SLC9D1: variants seen among roughly 807,000 people sequenced by gnomAD.
SLC9D1 encodes the protein solute carrier family 9 member D1.
At chr13:113,503,423 A>G in the SLC9D1 span, 7 of 1,109,242 alleles carry the variant, frequency 6.3e-6, no homozygotes, top group Admixed American at 1.8e-5. Context: ...ATACTAGGGC[A>G]TGATTGTTGA....
At chr13:113,549,300 C>T in the SLC9D1 span, 1 of 1,103,652 alleles carries the variant, frequency 9.1e-7, no homozygotes, top group South Asian at 1.5e-5. Context: ...CGTGACTGTG[C>T]TCAGCCTCAG....
chr13:113,528,932 C>G, the SLC9D1 span: 2 of 152,312 alleles, frequency 1.3e-5, no homozygotes, highest in South Asian at 2.1e-4. Flanking sequence ...GAGATGACTT[C>G]TAGTTAAGAG....
chr13:113,510,022 G>A, the SLC9D1 span, among the ~76,000 whole-genome samples: 8 of 152,170 alleles, frequency 5.3e-5, no homozygotes, highest in African/African-American at 1.7e-4. Context: ...GAGAGAGTGC[G>A]TGTGCGTGTA....
the SLC9D1 span, among the ~76,000 whole-genome samples, chr13:113,521,880 G>A: frequency 1.4e-4 from 22 of 152,244 alleles, no homozygotes; most frequent in East Asian, 4.0e-3. Context: ...TATACTTTAT[G>A]TATGTAAATA....
chr13:113,512,553 A>G, the SLC9D1 span, among the ~76,000 whole-genome samples: 591 of 151,788 alleles, frequency 3.9e-3, 4 homozygotes, highest in African/African-American at 0.014. Context: ...GTCAGTGTAC[A>G]TAGACTCGGA....
the SLC9D1 span, among the ~76,000 whole-genome samples, chr13:113,545,542 C>T: frequency 6.6e-6 from 1 of 152,226 alleles, no homozygotes; most frequent in Non-Finnish European, 1.5e-5. Flanking sequence ...GCATTAGGCT[C>T]CATAATTATT....
chr13:113,502,287 C>T, the SLC9D1 span, among the ~76,000 whole-genome samples: 1 of 152,286 alleles, frequency 6.6e-6, no homozygotes, highest in African/African-American at 2.4e-5. Context: ...AATCTTGGCT[C>T]ACTGCAACCT....
At chr13:113,515,906 A>G in the SLC9D1 span, among the ~76,000 whole-genome samples, 1 of 151,866 alleles carries the variant, frequency 6.6e-6, no homozygotes, top group African/African-American at 2.4e-5. Flanking sequence ...AAAAAAAAAA[A>G]AAAAAAAAGA....
At chr13:113,539,444 G>C in the SLC9D1 span, 1 of 1,613,656 alleles carries the variant, frequency 6.2e-7, no homozygotes, top group Non-Finnish European at 8.5e-7. This position sits in a 1 kb window ranked among gnomAD's most constrained non-coding sequence, Gnocchi z 4.8. Context: ...GGTCACCGAG[G>C]AGATCGCCAC....
chr13:113,506,561 G>GTGTGTGTGTGTA, the SLC9D1 span, among the ~76,000 whole-genome samples: 12 of 149,482 alleles, frequency 8.0e-5, no homozygotes, highest in Non-Finnish European at 1.5e-4. Context: ...GTGTGTGAGT[G>GTGTGTGTGTGTA]TGTGTGTGTG....
the SLC9D1 span, among the ~76,000 whole-genome samples, chr13:113,539,949 T>A: frequency 1.3e-5 from 2 of 152,154 alleles, no homozygotes; most frequent in African/African-American, 4.8e-5. The surrounding 1 kb of genome is among the most constrained non-coding windows in gnomAD (Gnocchi z 4.8). Context: ...GAGCTCCCAC[T>A]TGTAAGTGAG....
chr13:113,503,678 C>A, the SLC9D1 span: 1 of 737,650 alleles, frequency 1.4e-6, no homozygotes, highest in Admixed American at 2.5e-5. Flanking sequence ...TTGATGAATT[C>A]ACTATCAAAT....
chr13:113,520,847 C>T, the SLC9D1 span: 523 of 781,686 alleles, frequency 6.7e-4, 1 homozygote, highest in African/African-American at 7.6e-3. Flanking sequence ...CTCAGGATTC[C>T]GTGCACAGTC....
chr13:113,539,229 C>T, the SLC9D1 span: 10 of 863,664 alleles, frequency 1.2e-5, no homozygotes, highest in Admixed American at 2.4e-5. The surrounding 1 kb of genome is among the most constrained non-coding windows in gnomAD (Gnocchi z 4.8). Flanking sequence ...CAGACACACA[C>T]ACGCTCTGTT....
At chr13:113,535,527 C>T in the SLC9D1 span, among the ~76,000 whole-genome samples, 1 of 152,146 alleles carries the variant, frequency 6.6e-6, no homozygotes, top group Admixed American at 6.5e-5. The surrounding 1 kb of genome is among the most constrained non-coding windows in gnomAD (Gnocchi z 4.1). Context: ...CAGCTTTATT[C>T]GTATTAGCCA....
chr13:113,504,513 G>A, the SLC9D1 span: 28,160 of 152,106 alleles, frequency 0.19, 3,445 homozygotes, highest in African/African-American at 0.35. Context: ...CAAGTCCGCA[G>A]AGTCCAGTGT....
At chr13:113,494,422 T>C in the SLC9D1 span, among the ~76,000 whole-genome samples, 1 of 152,180 alleles carries the variant, frequency 6.6e-6, no homozygotes, top group African/African-American at 2.4e-5. Flanking sequence ...ACAGTGCTCC[T>C]GTCTGGGTGC....
the SLC9D1 span, among the ~76,000 whole-genome samples, chr13:113,516,663 C>G: frequency 6.6e-6 from 1 of 152,148 alleles, no homozygotes; most frequent in Non-Finnish European, 1.5e-5. Context: ...CTGGCCACAG[C>G]AGCGGCCTCA....
At chr13:113,541,060 C>T in the SLC9D1 span, among the ~76,000 whole-genome samples, 3 of 152,090 alleles carry the variant, frequency 2.0e-5, no homozygotes, top group Admixed American at 6.6e-5. Context: ...TCTGCCTGTC[C>T]CGATGGCTTG....
Sources: gnomAD v4.1 joint callset for allele counts (sites outside exome capture counted in the v4.1 genomes callset) on GRCh38, gnomAD v4.1.1 for gene constraint, Gnocchi (gnomAD v3.1) non-coding constraint, MANE v1.5 for transcripts, NCBI Gene and HGNC (gene_info 2026-07-23, HGNC 2026-07-21) for gene names.